KCNQ5: variants seen among roughly 807,000 people sequenced by gnomAD.
The protein encoded by KCNQ5 is potassium voltage-gated channel subfamily Q member 5, also known as potassium voltage-gated channel subfamily KQT member 5.
KCNQ5 carries 30 observed loss-of-function variants against 98.2 expected under a neutral mutation model. That is an observed-to-expected ratio of 0.31 (90% CI 0.23 to 0.41). The LOEUF (loss-of-function observed/expected upper bound fraction) is 0.41, where lower values mean the gene tolerates loss of function less well. KCNQ5 is among the 10% of genes least tolerant of loss of function. KCNQ5 has a pLI of 1.00. For missense variants in KCNQ5, 835 were observed against 1,182.5 expected (o/e 0.71, Z 4.31); for synonymous variants, 458 against 449.4 (o/e 1.02, Z -0.24).
chr6:72,940,712 T>C (rs571425148), intron 1 of KCNQ5, among the ~76,000 whole-genome samples: 1 of 152,212 alleles, frequency 6.6e-6, no homozygotes, highest in Middle Eastern at 3.2e-3. Context: ...AGGTAGCAAT[T>C]AAGCACAAGG....
chr6:73,181,711 T>A (rs10498891), intron 11 of KCNQ5, among the ~76,000 whole-genome samples: 124 of 152,314 alleles, frequency 8.1e-4, no homozygotes, highest in African/African-American at 2.9e-3. Context: ...TGTTAAAGTA[T>A]GAAGATCTTA....
chr6:72,781,104 A>T (rs1023469972), intron 1 of KCNQ5, among the ~76,000 whole-genome samples: 1 of 152,150 alleles, frequency 6.6e-6, no homozygotes, highest in African/African-American at 2.4e-5. Flanking sequence ...GGATGTAATT[A>T]GTTGTTAAAG....
intron 1 of KCNQ5, among the ~76,000 whole-genome samples, chr6:72,947,553 G>A (rs1766605621): frequency 6.6e-6 from 1 of 152,084 alleles, no homozygotes; most frequent in Non-Finnish European, 1.5e-5. Flanking sequence ...CAATGGAAGT[G>A]TTGAAGGGTT....
At chr6:73,120,999 A>G (rs982728754) in intron 8 of KCNQ5, among the ~76,000 whole-genome samples, 1 of 152,100 alleles carries the variant, frequency 6.6e-6, no homozygotes, top group African/African-American at 2.4e-5. Flanking sequence ...TCTCAAAGCC[A>G]TTTCTCATCT....
At chr6:72,640,999 C>G (rs1262945559) in intron 1 of KCNQ5, 1 of 152,036 alleles carries the variant, frequency 6.6e-6, no homozygotes, top group East Asian at 1.9e-4. Flanking sequence ...ATATTTTTCC[C>G]TTTTATAAAC....
intron 2 of KCNQ5, among the ~76,000 whole-genome samples, chr6:73,037,059 G>A (rs1367576657): frequency 6.6e-6 from 1 of 152,118 alleles, no homozygotes; most frequent in Non-Finnish European, 1.5e-5. Flanking sequence ...TGCTAGCTGT[G>A]TAGTGATACC....
At chr6:72,905,236 T>A (rs1412127963) in intron 1 of KCNQ5, among the ~76,000 whole-genome samples, 1 of 152,208 alleles carries the variant, frequency 6.6e-6, no homozygotes, top group Non-Finnish European at 1.5e-5. Context: ...TGATTTTTTT[T>A]ATTTATGCTA....
intron 1 of KCNQ5, among the ~76,000 whole-genome samples, chr6:72,830,829 T>G (rs1776227969): frequency 6.6e-6 from 1 of 152,124 alleles, no homozygotes; most frequent in Middle Eastern, 3.2e-3. Context: ...TTTTGCAATC[T>G]ACTCATCTGA....
Position 73,073,459 on chromosome 6 carries a change from G to A in KCNQ5, c.617-3863G>A, listed in dbSNP as rs186412254. Among the ~76,000 whole-genome samples the A allele has an allele frequency of 1.9e-3, 288 of 152,166 alleles. 2 individuals are homozygous for A. The highest frequency in any genetic ancestry group is 3.3e-3 in the Admixed American group (51 of 15,288). On this transcript the variant is annotated intron_variant, in intron 3 of 13. Coordinates refer to ENST00000370398, the MANE Select transcript of KCNQ5 (RefSeq NM_019842.4). ...CCCTAGTCTCTACCACTAGATGCTC[G>A]TAGCAACCCCCTTCCCAGCTATGAC...
intron 1 of KCNQ5, among the ~76,000 whole-genome samples, chr6:72,756,153 C>G (rs1475212435): frequency 2.0e-5 from 3 of 152,126 alleles, no homozygotes; most frequent in African/African-American, 7.2e-5. Context: ...TGTAGGGAGG[C>G]CACCTATTTT....
At chr6:73,084,079 A>C (rs1201609644) in intron 5 of KCNQ5, among the ~76,000 whole-genome samples, 1 of 152,166 alleles carries the variant, frequency 6.6e-6, no homozygotes, top group Non-Finnish European at 1.5e-5. Context: ...GTAGTCATGA[A>C]GCATCCTCAT....
chr6:72,673,247 T>G (rs1429394695), intron 1 of KCNQ5, among the ~76,000 whole-genome samples: 1 of 152,044 alleles, frequency 6.6e-6, no homozygotes, highest in Non-Finnish European at 1.5e-5. Flanking sequence ...GGGTGTTGGG[T>G]TAGTGGGCAA....
At chr6:72,898,702 G>A (rs1294215543) in intron 1 of KCNQ5, among the ~76,000 whole-genome samples, 46 of 152,158 alleles carry the variant, frequency 3.0e-4, no homozygotes, top group Admixed American at 3.0e-3. Flanking sequence ...TAATGGGATT[G>A]CTGGGTCAAA....
At position 72,652,960 on chromosome 6, in the gene KCNQ5, T is replaced by C. The variant is rs182288896; in HGVS notation, c.398+30373T>C. ...TATAAAGCCGTGCACCCAAATGCTGTTTACAGCATTCTGTGATGAATTCCC... is the reference window on the plus strand; with the variant it reads ...TATAAAGCCGTGCACCCAAATGCTGCTTACAGCATTCTGTGATGAATTCCC... On this transcript the variant is annotated intron_variant, in intron 1 of 13. Transcript: ENST00000370398. Among the ~76,000 whole-genome samples, 4 of 152,242 alleles carry C rather than the reference T, an allele frequency of 2.6e-5. No individual in the cohort carries two copies. The East Asian group carries it at 7.7e-4, about 29-fold the overall frequency.
chr6:73,190,502 A>G, intron 11 of KCNQ5, 71 bp from the exon 12 acceptor site: 1 of 783,654 alleles, frequency 1.3e-6, no homozygotes, highest in Non-Finnish European at 1.8e-6. Context: ...TATTATATTT[A>G]CTGGTAAACT....
At chr6:72,965,154 C>A (rs973977435) in intron 1 of KCNQ5, among the ~76,000 whole-genome samples, 4 of 152,066 alleles carry the variant, frequency 2.6e-5, no homozygotes, top group African/African-American at 9.7e-5. Context: ...AAGAGTAGTG[C>A]TGAAGTGCTG....
Position 72,942,188 on chromosome 6 carries a change from T to C in KCNQ5, c.399-61720T>C, listed in dbSNP as rs77592433. ...GAACAATATCTAGCAAAAAGTTGCT[T>C]TGCCTTATATATAACCAAACAGTAT... On this transcript the variant is annotated intron_variant, in intron 1 of 13. Transcript: ENST00000370398. Among the ~76,000 whole-genome samples, 417 of 152,332 alleles carry C rather than the reference T, an allele frequency of 2.7e-3. 4 individuals carry two copies. The highest frequency in any genetic ancestry group is 0.026 in the East Asian group (136 of 5,188).
At chr6:73,019,880 G>T (rs1770512103) in intron 2 of KCNQ5, among the ~76,000 whole-genome samples, 1 of 152,044 alleles carries the variant, frequency 6.6e-6, no homozygotes, top group South Asian at 2.1e-4. Flanking sequence ...CATTTTCTCA[G>T]TGCATAGCAC....
intron 1 of KCNQ5, among the ~76,000 whole-genome samples, chr6:72,671,714 T>C (rs982797894): frequency 2.0e-5 from 3 of 152,208 alleles, no homozygotes; most frequent in Admixed American, 6.5e-5. Flanking sequence ...TAGTTCATGA[T>C]AGCAGAGTAC....
Sources: allele counts gnomAD v4.1 joint callset (sites outside exome capture counted in the v4.1 genomes callset), GRCh38; gene constraint gnomAD v4.1.1; transcripts MANE v1.5; gene names NCBI Gene and HGNC (gene_info 2026-07-23, HGNC 2026-07-21).